PALS2: variants seen among roughly 807,000 people sequenced by gnomAD.
The protein encoded by PALS2 is protein associated with LIN7 2, MAGUK p55 family member.
A neutral mutation model predicts 61.6 loss-of-function variants in PALS2; 27 were observed. The observed-to-expected ratio is 0.44, with a 90% confidence interval of 0.32 to 0.60. PALS2 has a LOEUF of 0.60. PALS2 is among the 20% of genes least tolerant of loss of function. PALS2 has a pLI of 0.05. For missense variants in PALS2, 554 were observed against 639.4 expected (o/e 0.87, Z 1.44); for synonymous variants, 236 against 218.6 (o/e 1.08, Z -0.70).
chr7:24,582,515 G>A (rs1057231114), intron 1 of PALS2, among the ~76,000 whole-genome samples: 2 of 151,864 alleles, frequency 1.3e-5, no homozygotes, highest in Non-Finnish European at 2.9e-5. Context: ...CTTAGTGCTT[G>A]CGTTACTTTT....
chr7:24,658,625 C>T (rs1325737639), intron 5 of PALS2, among the ~76,000 whole-genome samples: 15 of 150,566 alleles, frequency 1.0e-4, no homozygotes, highest in Admixed American at 4.0e-4. Context: ...GGCACGATCT[C>T]GGCTCACTGC....
chr7:24,623,840 GAT>G, intron 2 of PALS2, 56 bp downstream of exon 2: 1 of 1,236,478 alleles, frequency 8.1e-7, no homozygotes, highest in Non-Finnish European at 1.1e-6. Flanking sequence ...TTTTTATAGA[GAT>G]ATTTTCAGAT....
chr7:24,660,203 A>T (rs972722432), intron 5 of PALS2, among the ~76,000 whole-genome samples: 4 of 152,102 alleles, frequency 2.6e-5, no homozygotes, highest in Non-Finnish European at 2.9e-5. Flanking sequence ...ATTTATCTTT[A>T]TTACCTTAAA....
At chr7:24,582,152 G>T (rs80307981) in intron 1 of PALS2, among the ~76,000 whole-genome samples, 209 of 152,280 alleles carry the variant, frequency 1.4e-3, no homozygotes, top group African/African-American at 4.9e-3. Context: ...TTTTACAGCA[G>T]TTTATCATTT....
In PALS2 at chr7:24,689,538, C is replaced by G. The variant is rs1584024360; in HGVS notation, c.*1924C>G. 6.7e-6 allele frequency: 1 copy of G among 150,122 alleles called. No homozygotes were observed. The highest frequency in any genetic ancestry group is 2.4e-5 in the African/African-American group (1 of 40,838). 9.3% of individuals were successfully genotyped at this position (150,122 alleles called of 1,614,324 possible). The stretch of plus-strand genomic sequence containing the variant: ...CTTTTTCACAATAAAACAAAACACC[C>G]AAGTTGTCATATTGTTAAAGTTGGA... On this transcript the variant is annotated 3_prime_UTR_variant, in exon 12 of 12. Coordinates refer to ENST00000222644, the MANE Select transcript of PALS2 (RefSeq NM_001303037.2).
At position 24,638,299 on chromosome 7, in the gene PALS2, T is replaced by G. The variant is rs182563786; in HGVS notation, c.118-3417T>G. On this transcript the variant is annotated intron_variant, in intron 2 of 11. Transcript: ENST00000222644. ...TACAGTTTCTAAAAAAACCTTTTTT[T>G]CTCCCTTCAATTTCTGTATTTTCTT... is the stretch of plus-strand genomic sequence containing the variant. 4.4e-3 allele frequency among the ~76,000 whole-genome samples: 659 copies of G among 149,290 alleles called. 7 individuals are homozygous for G. The highest frequency in any genetic ancestry group is 7.3e-3 in the Non-Finnish European group (487 of 67,078).
At chr7:24,649,426 A>G (rs1204280798) in intron 3 of PALS2, among the ~76,000 whole-genome samples, 186 bp from the exon 4 acceptor site, 1 of 152,076 alleles carries the variant, frequency 6.6e-6, no homozygotes, top group East Asian at 1.9e-4. Flanking sequence ...TGATAATAAA[A>G]CTATATATTT....
At position 24,691,405 on chromosome 7, in the gene PALS2, G is replaced by GTGTGTGTGTATATA. The variant is rs1274329385; in HGVS notation, c.*3792_*3793insGTGTGTGTATATAT. The GTGTGTGTGTATATA allele has an allele frequency of 9.9e-5, 11 of 110,596 alleles. No individual in the cohort carries two copies. The highest frequency in any genetic ancestry group is 3.4e-4 in the African/African-American group (11 of 32,380). 6.9% of individuals were successfully genotyped at this position (110,596 alleles called of 1,614,324 possible). ...ATATTATGTATGTGTGTGTGTGTGTGTATATATATATATATATATATATAT... is the reference window on the plus strand; with the variant it reads ...ATATTATGTATGTGTGTGTGTGTGTGTGTGTGTGTATATATATATATATATATATATATATATAT... On this transcript the variant is annotated 3_prime_UTR_variant, in exon 12 of 12. Transcript: ENST00000222644.
chr7:24,642,181 A>G (rs954187065), intron 3 of PALS2, among the ~76,000 whole-genome samples: 3 of 152,140 alleles, frequency 2.0e-5, no homozygotes, highest in Non-Finnish European at 4.4e-5. Flanking sequence ...CACTATGATA[A>G]TGGATTTTTT....
chr7:24,657,808 A>C (rs2128083119), intron 5 of PALS2, among the ~76,000 whole-genome samples: 1 of 152,242 alleles, frequency 6.6e-6, no homozygotes, highest in East Asian at 1.9e-4. Flanking sequence ...TTTGTTTTCT[A>C]CAAGTTTTAC....
intron 1 of PALS2, among the ~76,000 whole-genome samples, chr7:24,610,525 A>C (rs1199136709): frequency 6.6e-6 from 1 of 152,180 alleles, no homozygotes; most frequent in Admixed American, 6.5e-5. Flanking sequence ...GATTCAATGA[A>C]ATATTACTAA....
intron 11 of PALS2, among the ~76,000 whole-genome samples, chr7:24,684,039 T>TC (rs1433030234): frequency 6.6e-6 from 1 of 152,148 alleles, no homozygotes; most frequent in Non-Finnish European, 1.5e-5. Flanking sequence ...CTGTGAACAG[T>TC]CCCCCCAACT....
chr7:24,687,626 G>C lies in PALS2; in HGVS notation c.*12G>C, dbSNP rs568101894. ...GCTGGGTTTACTGATGATTCAGTAA[G>C]GTTAACAATGAAAATTAAACTCTTA... On this transcript the variant is annotated 3_prime_UTR_variant, in exon 12 of 12. Transcript: ENST00000222644. This position sits in a 1 kb window ranked among gnomAD's most constrained non-coding sequence, Gnocchi z 4.5. 1 of 1,574,198 alleles carries C rather than the reference G, an allele frequency of 6.4e-7. No individual in the cohort carries two copies. The highest frequency in any genetic ancestry group is 2.1e-5 in the Admixed American group (1 of 48,626).
intron 9 of PALS2, among the ~76,000 whole-genome samples, chr7:24,671,186 A>T (rs989087470): frequency 2.0e-5 from 3 of 152,094 alleles, no homozygotes; most frequent in Non-Finnish European, 4.4e-5. Context: ...CCTCACCAAC[A>T]TTTGTCATCT....
chr7:24,616,203 CAGAA>C (rs760184692), intron 1 of PALS2, among the ~76,000 whole-genome samples: 3 of 151,880 alleles, frequency 2.0e-5, no homozygotes, highest in Middle Eastern at 3.4e-3. Flanking sequence ...GCAAGAGTGA[CAGAA>C]AGGAGAAAGA....
rs375119445 is a variant in PALS2, at chr7:24,588,924, G to T, written c.-3+15331G>T. ...TTTTGTCCTTATCCCACCTCCATTT[G>T]ATGTTGATGTAAACATATTGGCCAT... On this transcript the variant is annotated intron_variant, in intron 1 of 11. Coordinates refer to ENST00000222644, the MANE Select transcript of PALS2 (RefSeq NM_001303037.2). 7.3e-4 allele frequency among the ~76,000 whole-genome samples: 111 copies of T among 152,244 alleles called. 2 individuals are homozygous for T. The East Asian group carries it at 0.019, about 26-fold the overall frequency.
chr7:24,633,981 T>C (rs1370288838), intron 2 of PALS2, among the ~76,000 whole-genome samples: 5 of 152,224 alleles, frequency 3.3e-5, no homozygotes, highest in African/African-American at 4.8e-5. Flanking sequence ...ACTAATGATA[T>C]TGAGCATCTT....
chr7:24,665,718 A>G (rs1398174529), intron 7 of PALS2, 31 bp downstream of exon 7: 1 of 1,578,294 alleles, frequency 6.3e-7, no homozygotes, highest in South Asian at 1.1e-5. Context: ...AGTAACAAGC[A>G]GTCCTTTGTG....
At chr7:24,646,785 C>CT (rs1785853407) in intron 3 of PALS2, among the ~76,000 whole-genome samples, 1 of 151,998 alleles carries the variant, frequency 6.6e-6, no homozygotes, top group Non-Finnish European at 1.5e-5. Context: ...AGGTCCCAGG[C>CT]TTTTTTTGGT....
Sources: gnomAD v4.1 joint callset for allele counts (sites outside exome capture counted in the v4.1 genomes callset) on GRCh38, gnomAD v4.1.1 for gene constraint, Gnocchi (gnomAD v3.1) non-coding constraint, MANE v1.5 for transcripts, NCBI Gene and HGNC (gene_info 2026-07-23, HGNC 2026-07-21) for gene names.